ANKRD24: variants seen among roughly 807,000 people sequenced by gnomAD.
ANKRD24 encodes the protein ankyrin repeat domain-containing protein 24.
ANKRD24 carries 109 observed loss-of-function variants against 127.8 expected under a neutral mutation model. The observed-to-expected ratio is 0.85, with a 90% confidence interval of 0.73 to 1.00. The LOEUF is 1.00. ANKRD24 is among the 50% of genes least tolerant of loss of function. The pLI, the probability that ANKRD24 is intolerant of heterozygous loss-of-function variation, is 0.00. For missense variants in ANKRD24, 1,648 were observed against 1,570.2 expected (o/e 1.05, Z -0.84); for synonymous variants, 743 against 671.1 (o/e 1.11, Z -1.66).
chr19:4,223,386 TATATATATA>T (rs1970551925), intron 20 of ANKRD24, among the ~76,000 whole-genome samples: 6 of 82,444 alleles, frequency 7.3e-5, no homozygotes, highest in African/African-American at 3.8e-4. Flanking sequence ...TATATATATA[TATATATATA>T]TATATATTTT....
At position 4,217,265 on chromosome 19, in the gene ANKRD24, C is replaced by T. The variant is rs373357682; in HGVS notation, c.2105C>T (p.Pro702Leu). The T allele has an allele frequency of 5.2e-5, 82 of 1,570,674 alleles. No homozygotes were observed. In the South Asian group the frequency reaches 6.4e-4, roughly 12 times the overall value. Residue 702 changes from proline to leucine, a missense_variant, in exon 18 of 22, where the codon CCG becomes CTG. Transcript: ENST00000318934. ...AACCCAGGGGTAGAGGCCACGGTCC[C>T]GGGGATCTCTGCTGGCCCCATCCTA... ...VENPGVEATVPGISAGPILHP... is the reference protein window; with the variant it reads ...VENPGVEATVLGISAGPILHP...
chr19:4,224,381 G>C (rs767669223), intron 21 of ANKRD24, 47 bp from the exon 22 acceptor site: 35 of 1,588,842 alleles, frequency 2.2e-5, no homozygotes, highest in Non-Finnish European at 3.0e-5. Flanking sequence ...ACTTGGGGCA[G>C]CCATGGAGGG....
At chr19:4,202,136 C>A (rs1969129386) in intron 6 of ANKRD24, 46 bp downstream of exon 6, 14 of 1,558,790 alleles carry the variant, frequency 9.0e-6, no homozygotes, top group Non-Finnish European at 1.2e-5. Context: ...CCCTACTACT[C>A]CTGAGTTCCA....
At chr19:4,204,907 GCCTGGCCAACATGGTGAAAC>G (rs1969298598) in intron 7 of ANKRD24, among the ~76,000 whole-genome samples, 1 of 152,138 alleles carries the variant, frequency 6.6e-6, no homozygotes, top group Non-Finnish European at 1.5e-5. Flanking sequence ...TTCGAGAATA[GCCTGGCCAACATGGTGAAAC>G]CCTGTCTCTA....
At position 4,217,391 on chromosome 19, in the gene ANKRD24, C is replaced by G. The variant is rs1381197539; in HGVS notation, c.2231C>G (p.Ala744Gly). The part of the protein sequence containing the change: ...EALRQREREA[A>G]AELEAALGKC... ...CTCCGGCAGCGGGAGCGGGAGGCAG[C>G]TGCGGAGCTGGAGGCGGCCCTGGGG... is the stretch of plus-strand genomic sequence containing the variant. Residue 744 changes from alanine (A) to glycine (G), a missense_variant, in exon 18 of 22, where the codon GCT becomes GGT. Ala to Gly is a moderately conservative substitution (Grantham distance 60). Transcript: ENST00000318934. The G allele has an allele frequency of 7.1e-6, 11 of 1,550,192 alleles. No individual in the cohort carries two copies. The Admixed American group carries it at 1.2e-4, about 17-fold the overall frequency.
intron 15 of ANKRD24, among the ~76,000 whole-genome samples, chr19:4,213,324 CCCTTCCTTCCTTT>C (rs1417268806): frequency 4.1e-5 from 6 of 146,800 alleles, no homozygotes; most frequent in Admixed American, 6.9e-5. Context: ...CTCCCTCCTT[CCCTTCCTTCCTTT>C]CCTTCCTTCC....
At chr19:4,204,448 C>T (rs976871724) in intron 7 of ANKRD24, among the ~76,000 whole-genome samples, 2 of 152,074 alleles carry the variant, frequency 1.3e-5, no homozygotes, top group Admixed American at 6.6e-5. Flanking sequence ...AAGGAGCAGT[C>T]GAATGTACTC....
chr19:4,189,518 T>C (rs1278666441), intron 2 of ANKRD24, among the ~76,000 whole-genome samples: 1 of 151,476 alleles, frequency 6.6e-6, no homozygotes, highest in Non-Finnish European at 1.5e-5. Context: ...TTCCAAAGGG[T>C]TGCCATTATA....
At position 4,186,474 on chromosome 19, in the gene ANKRD24, C is replaced by G. The variant is rs746029398; in HGVS notation, c.36+13C>G. ...TAAGAAGACAGAGGTGAGTGTGAGG[C>G]CCTAGATGCCCGATACACCCCTGCA... On this transcript the variant is annotated intron_variant, in intron 2 of 21. Coordinates refer to ENST00000318934, the MANE Select transcript of ANKRD24 (RefSeq NM_001393985.1). 4.4e-6 allele frequency: 7 copies of G among 1,588,074 alleles called. No homozygotes were observed. The South Asian group carries it at 8.1e-5, about 18-fold the overall frequency.
chr19:4,222,536 C>T, intron 19 of ANKRD24, 134 bp from the exon 20 acceptor site: 1 of 1,094,532 alleles, frequency 9.1e-7, no homozygotes, highest in Non-Finnish European at 1.2e-6. Context: ...GCCCTCAGGC[C>T]AGAGTTTGCT....
In ANKRD24 at chr19:4,223,397, ATATATTT is replaced by A. The variant is rs1262075034; in HGVS notation, c.3297+604_3297+610del. Among the ~76,000 whole-genome samples the A allele has an allele frequency of 4.2e-4, 23 of 54,818 alleles. No individual in the cohort carries two copies. The East Asian group carries it at 6.1e-3, about 15-fold the overall frequency. 36.0% of individuals were successfully genotyped at this position (54,818 alleles called of 152,430 possible). A position where few individuals can be genotyped will look rare whatever the true frequency, so the allele number is the denominator to read the frequency against. ...CATATATATATATATATATATATAT[ATATATTT>A]TTTTTTTTTTTTTTTTGAGCCAGTC... On this transcript the variant is annotated intron_variant, in intron 20 of 21. Coordinates refer to ENST00000318934, the MANE Select transcript of ANKRD24 (RefSeq NM_001393985.1).
At chr19:4,220,343 G>A (rs1357698407) in intron 19 of ANKRD24, among the ~76,000 whole-genome samples, 2 of 152,142 alleles carry the variant, frequency 1.3e-5, no homozygotes, top group Non-Finnish European at 2.9e-5. Flanking sequence ...GTCACATCCA[G>A]TTCTCACAGG....
chr19:4,195,389 G>T lies in ANKRD24; in HGVS notation c.37-4294G>T, dbSNP rs1311134744. Among the ~76,000 whole-genome samples, 1 of 152,032 alleles carries T rather than the reference G, an allele frequency of 6.6e-6. No homozygotes were observed. The highest frequency in any genetic ancestry group is 1.5e-5 in the Non-Finnish European group (1 of 68,016). On this transcript the variant is annotated intron_variant, in intron 2 of 21. Coordinates refer to ENST00000318934, the MANE Select transcript of ANKRD24 (RefSeq NM_001393985.1). The surrounding 1 kb of genome is among the most constrained non-coding windows in gnomAD (Gnocchi z 4.2). The stretch of plus-strand genomic sequence containing the variant: ...ATGCCTGGCCATTTGCTCTGATCTT[G>T]TATGGCATCCAGGAGGACAAGTGTA...
Position 4,199,645 on chromosome 19 carries a change from C to G in ANKRD24, c.37-38C>G. The G allele has an allele frequency of 6.6e-7, 1 of 1,505,740 alleles. No homozygotes were observed. The highest frequency in any genetic ancestry group is 8.8e-7 in the Non-Finnish European group (1 of 1,133,398). The allele number at this position is 1,505,740 out of a possible 1,614,324, so 93.3% of individuals were successfully genotyped here. On this transcript the variant is annotated intron_variant, in intron 2 of 21. Transcript: ENST00000318934. The surrounding 1 kb of genome is among the most constrained non-coding windows in gnomAD (Gnocchi z 5.2). ...GGGTCGCAGGCTTGGGGGACACTGTCTGAGGACCCCCTCGCCCAGGACCAC... is the reference window on the plus strand; with the variant it reads ...GGGTCGCAGGCTTGGGGGACACTGTGTGAGGACCCCCTCGCCCAGGACCAC...
intron 5 of ANKRD24, among the ~76,000 whole-genome samples, chr19:4,201,243 A>C (rs993215585): frequency 6.6e-6 from 1 of 152,140 alleles, no homozygotes; most frequent in Non-Finnish European, 1.5e-5. Flanking sequence ...GCAACTAGGC[A>C]TGGGGACACA....
At chr19:4,211,379 C>T (rs1242509910) in intron 13 of ANKRD24, among the ~76,000 whole-genome samples, 1 of 152,024 alleles carries the variant, frequency 6.6e-6, no homozygotes, top group Non-Finnish European at 1.5e-5. Context: ...TGGCTCACAC[C>T]TGTAATCCCA....
At position 4,195,030 on chromosome 19, in the gene ANKRD24, C is replaced by G. The variant is rs950782123; in HGVS notation, c.37-4653C>G. On this transcript the variant is annotated intron_variant, in intron 2 of 21. Coordinates refer to ENST00000318934, the MANE Select transcript of ANKRD24 (RefSeq NM_001393985.1). The surrounding 1 kb of genome is among the most constrained non-coding windows in gnomAD (Gnocchi z 4.2). The stretch of plus-strand genomic sequence containing the variant: ...TCTCCCAGGCTGGAGTGCAGTGGTG[C>G]GATCTCGGCGTGAGCCACCGCGCCC... Among the ~76,000 whole-genome samples, 1 of 151,538 alleles carries G rather than the reference C, an allele frequency of 6.6e-6. No homozygotes were observed. The highest frequency in any genetic ancestry group is 6.6e-5 in the Admixed American group (1 of 15,208).
intron 5 of ANKRD24, among the ~76,000 whole-genome samples, chr19:4,201,477 A>T (rs1310707896): frequency 6.6e-6 from 1 of 152,048 alleles, no homozygotes; most frequent in Non-Finnish European, 1.5e-5. Context: ...AGCTGAGGCA[A>T]TAGGGCTTGA....
intron 1 of ANKRD24, chr19:4,186,157 C>A: frequency 1.0e-6 from 1 of 996,948 alleles, no homozygotes; most frequent in Non-Finnish European, 1.3e-6. Flanking sequence ...ATGAGTTGGT[C>A]AAGAAAGGAT....
Sources: allele counts gnomAD v4.1 joint callset (sites outside exome capture counted in the v4.1 genomes callset), GRCh38; gene constraint gnomAD v4.1.1; non-coding constraint Gnocchi (gnomAD v3.1); transcripts MANE v1.5; gene names NCBI Gene and HGNC (gene_info 2026-07-23, HGNC 2026-07-21).